Variants in CROCC2 observed in about 807,000 individuals in gnomAD.
CROCC2 encodes ciliary rootlet coiled-coil protein 2.
CROCC2 carries 163 observed loss-of-function variants against 177.6 expected under a neutral mutation model. The ratio of observed to expected loss-of-function variants is 0.92; its 90% CI spans 0.81 to 1.05. CROCC2 has a LOEUF of 1.05. CROCC2 is among the 50% of genes least tolerant of loss of function. The pLI, the probability that CROCC2 is intolerant of heterozygous loss-of-function variation, is 0.00. For missense variants in CROCC2, 1,929 were observed against 1,797.8 expected, an observed-to-expected ratio of 1.07 and a Z score of -1.32; for synonymous variants, 904 against 787.3, an observed-to-expected ratio of 1.15 and a Z score of -2.48.
intron 14 of CROCC2, 37 bp from the exon 15 acceptor site, chr2:240,946,023 C>T (rs1022559879): frequency 1.4e-6 from 2 of 1,447,562 alleles, no homozygotes; most frequent in African/African-American, 1.4e-5. Context: ...CACTTACTCT[C>T]TTTCTCTGCC....
intron 20 of CROCC2, among the ~76,000 whole-genome samples, chr2:240,961,077 A>G (rs60677070): frequency 0.69 from 105,008 of 151,664 alleles, 37,104 homozygotes; most frequent in African/African-American, 0.83. Context: ...GAGGACGGTT[A>G]AGGGGGACAA....
At chr2:240,957,179 C>G (rs543048706) in intron 19 of CROCC2, among the ~76,000 whole-genome samples, 9 of 152,302 alleles carry the variant, frequency 5.9e-5, no homozygotes, top group Non-Finnish European at 1.2e-4. Context: ...ACCCCCAGCT[C>G]TCTGCCCTCC....
rs1191888576 is a variant in CROCC2 at position 240,982,967 on chromosome 2, C to G, written c.4489C>G (p.Gln1497Glu). The change falls in exon 28 of 32, where the codon CAG becomes GAG. Residue 1497 changes from glutamine to glutamate, a missense_variant. Coordinates refer to ENST00000690015, the MANE Select transcript of CROCC2 (RefSeq NM_001351305.2). The surrounding 1 kb of genome is among the most constrained non-coding windows in gnomAD (Gnocchi z 4.7). ...LAKQGKLLEE[Q>E]LTNLEHRCQK... is the part of the protein sequence containing the mutation. Reference sequence around the variant, plus strand: ...CAAGCAGGGGAAGCTGCTGGAAGAACAGCTCACCAACTTGGAGCACAGGTG... The same window carrying G: ...CAAGCAGGGGAAGCTGCTGGAAGAAGAGCTCACCAACTTGGAGCACAGGTG... 1 of 1,550,520 alleles carries G rather than the reference C, an allele frequency of 6.4e-7. No homozygotes were observed. The highest frequency in any genetic ancestry group is 2.4e-5 in the East Asian group (1 of 40,912).
intron 31 of CROCC2, among the ~76,000 whole-genome samples, chr2:240,991,857 CA>C: frequency 6.6e-6 from 1 of 152,338 alleles, no homozygotes; most frequent in East Asian, 1.9e-4. Context: ...CAACCGGAGC[CA>C]AAAACATAAT....
intron 28 of CROCC2, chr2:240,983,281 A>C (rs1460078245): frequency 1.0e-6 from 1 of 998,158 alleles, no homozygotes; most frequent in South Asian, 1.7e-5. Flanking sequence ...TACAGTAAGC[A>C]CCCCTACAAC....
chr2:240,937,928 C>A (rs768304125), intron 14 of CROCC2, among the ~76,000 whole-genome samples: 25 of 152,198 alleles, frequency 1.6e-4, no homozygotes, highest in Admixed American at 3.9e-4. Context: ...CTCTCTCCTG[C>A]CACCATGTGA....
At chr2:240,975,719 C>CTTTTTT (rs55896940) in intron 27 of CROCC2, among the ~76,000 whole-genome samples, 1 of 88,008 alleles carries the variant, frequency 1.1e-5, no homozygotes, top group Non-Finnish European at 2.2e-5. Flanking sequence ...AACCAGCCTG[C>CTTTTTT]TTTTTTTTTT....
chr2:240,959,993 G>A (rs573649494), intron 20 of CROCC2, among the ~76,000 whole-genome samples: 140 of 152,356 alleles, frequency 9.2e-4, no homozygotes, highest in African/African-American at 3.2e-3. Flanking sequence ...CCAGAGCCAC[G>A]CAGCCAAAGG....
chr2:240,984,030 G>T (rs1462819603), intron 28 of CROCC2, among the ~76,000 whole-genome samples: 1 of 152,184 alleles, frequency 6.6e-6, no homozygotes, highest in Non-Finnish European at 1.5e-5. Flanking sequence ...GCTCCCGGTA[G>T]GGCCTGGGCA....
At chr2:240,961,216 T>C (rs1159760899) in intron 20 of CROCC2, among the ~76,000 whole-genome samples, 1 of 152,198 alleles carries the variant, frequency 6.6e-6, no homozygotes, top group Non-Finnish European at 1.5e-5. Flanking sequence ...AGACCCTGCC[T>C]GAGGTCCACA....
At chr2:240,964,040 T>C (rs1015388252) in intron 21 of CROCC2, 1 of 571,922 alleles carries the variant, frequency 1.7e-6, no homozygotes, top group East Asian at 2.9e-5. Flanking sequence ...AGGTCACAGG[T>C]GGCCTCCAGG....
intron 8 of CROCC2, 128 bp from the exon 9 acceptor site, chr2:240,932,574 T>G: frequency 1.4e-6 from 1 of 689,912 alleles, no homozygotes; most frequent in East Asian, 2.7e-5. Flanking sequence ...GTGTGGCCCC[T>G]CGCCTGTCCT....
In CROCC2 at chr2:240,958,177, C is replaced by G; in HGVS notation, c.2944-1124C>G. 3 of 985,378 alleles carry G rather than the reference C, an allele frequency of 3.0e-6. No individual in the cohort carries two copies. The highest frequency in any genetic ancestry group is 3.6e-6 in the Non-Finnish European group (3 of 829,898). 61.0% of individuals were successfully genotyped at this position (985,378 alleles called of 1,614,324 possible). On this transcript the variant is annotated intron_variant, in intron 19 of 31. Transcript: ENST00000690015. This position sits in a 1 kb window ranked among gnomAD's most constrained non-coding sequence, Gnocchi z 6.7. ...CCAAGGAGCACCAGGCGCCAGATGA[C>G]AGGACAGCGTGCGCCCCTAGGCTGA...
rs916913831 is a variant in CROCC2 at position 240,972,993 on chromosome 2, C to G, written c.4401+4731C>G. Among the ~76,000 whole-genome samples the G allele has an allele frequency of 2.0e-5, 3 of 152,058 alleles. No homozygotes were observed. Among genetic ancestry groups the G allele is most frequent in the African/African-American group, 7.2e-5 (3 of 41,418 alleles). On this transcript the variant is annotated intron_variant, in intron 27 of 31. Transcript: ENST00000690015. The surrounding 1 kb of genome is among the most constrained non-coding windows in gnomAD (Gnocchi z 7.1). ...AGCCATGCTCCCTGCTGCCCCATGC[C>G]CCTTGCTGAGCAGGGGGGTGCTAGG...
chr2:240,965,521 G>A lies in CROCC2; in HGVS notation c.3603+3G>A, dbSNP rs754887588. The stretch of plus-strand genomic sequence containing the variant: ...AGCACGAGGGTGCCCGGAAGGAGGT[G>A]GGAGGGCTGCCTGTGGTCAGAAGGG... On this transcript the variant is annotated splice_donor_region_variant and intron_variant, in intron 23 of 31. Coordinates refer to ENST00000690015, the MANE Select transcript of CROCC2 (RefSeq NM_001351305.2). 3.9e-6 allele frequency: 6 copies of A among 1,550,274 alleles called. No homozygotes were observed. The Admixed American group carries it at 5.9e-5, about 15-fold the overall frequency.
At chr2:240,920,397 C>G (rs896534120) in intron 3 of CROCC2, among the ~76,000 whole-genome samples, 1 of 152,172 alleles carries the variant, frequency 6.6e-6, no homozygotes, top group Non-Finnish European at 1.5e-5. Context: ...TCCCCTAGGT[C>G]TCGCAACCTA....
At chr2:240,912,470 C>T (rs2059294552) in intron 1 of CROCC2, among the ~76,000 whole-genome samples, 1 of 152,154 alleles carries the variant, frequency 6.6e-6, no homozygotes, top group African/African-American at 2.4e-5. Flanking sequence ...AGTGACTTTC[C>T]CATTTGATTA....
chr2:240,945,223 G>A (rs961656120), intron 14 of CROCC2, among the ~76,000 whole-genome samples: 2 of 152,176 alleles, frequency 1.3e-5, no homozygotes, highest in Non-Finnish European at 2.9e-5. Flanking sequence ...GGCGTGAGCC[G>A]CCTCAGCTGG....
In CROCC2 at chr2:240,960,258, A is replaced by G. The variant is rs1290447754; in HGVS notation, c.3087+814A>G. On this transcript the variant is annotated intron_variant, in intron 20 of 31. Coordinates refer to ENST00000690015, the MANE Select transcript of CROCC2 (RefSeq NM_001351305.2). The surrounding 1 kb of genome is among the most constrained non-coding windows in gnomAD (Gnocchi z 5.0). ...AGGCGCGGACTTCACTGGGCTGGAC[A>G]CTAAGGTCGGGGGAGGCTGGATTTG... 6.6e-6 allele frequency among the ~76,000 whole-genome samples: 1 copy of G among 152,222 alleles called. No individual in the cohort carries two copies. Among genetic ancestry groups the G allele is most frequent in the Non-Finnish European group, 1.5e-5 (1 of 68,030 alleles).
Sources: allele counts gnomAD v4.1 joint callset (sites outside exome capture counted in the v4.1 genomes callset), GRCh38; gene constraint gnomAD v4.1.1; non-coding constraint Gnocchi (gnomAD v3.1); transcripts MANE v1.5; gene names NCBI Gene and HGNC (gene_info 2026-07-23, HGNC 2026-07-21).